The following KIF13B variants were observed in gnomAD, a reference collection of about 807,000 sequenced individuals.
KIF13B encodes the protein kinesin family member 13B.
KIF13B carries 127 observed loss-of-function variants against 222.0 expected under a neutral mutation model. The ratio of observed to expected loss-of-function variants is 0.57; its 90% CI spans 0.50 to 0.66. The LOEUF (loss-of-function observed/expected upper bound fraction) is 0.66, where lower values mean the gene tolerates loss of function less well. Among genes scored for constraint, KIF13B ranks in the 30% least tolerant of loss-of-function variants. The pLI is 0.00. For synonymous variants in KIF13B, 976 were observed against 919.0 expected, an observed-to-expected ratio of 1.06 and a Z score of -1.12; for missense variants, 2,173 against 2,379.0, an observed-to-expected ratio of 0.91 and a Z score of 1.80.
At chr8:29,109,353 C>A in intron 34 of KIF13B, 81 bp downstream of exon 34, 1 of 1,089,608 alleles carries the variant, frequency 9.2e-7, no homozygotes. Context: ...TGGGGTTTGA[C>A]GGGTGGAGAA....
intron 2 of KIF13B, among the ~76,000 whole-genome samples, chr8:29,211,562 G>C (rs1222567932): frequency 6.6e-6 from 1 of 152,222 alleles, no homozygotes; most frequent in Non-Finnish European, 1.5e-5. Context: ...AGAACTCCAG[G>C]AATCTGCTCA....
chr8:29,258,459 CAG>C (rs1449892837), intron 1 of KIF13B, among the ~76,000 whole-genome samples: 2 of 152,200 alleles, frequency 1.3e-5, no homozygotes, highest in African/African-American at 4.8e-5. Flanking sequence ...AGAAGCAAAA[CAG>C]AGTGCGTGGA....
intron 2 of KIF13B, among the ~76,000 whole-genome samples, chr8:29,208,294 A>C (rs1003438306): frequency 6.6e-6 from 1 of 152,240 alleles, no homozygotes; most frequent in African/African-American, 2.4e-5. Context: ...ACATATGTGC[A>C]TATTAATTTA....
chr8:29,091,149 T>C (rs1808282526), intron 37 of KIF13B, among the ~76,000 whole-genome samples: 1 of 152,250 alleles, frequency 6.6e-6, no homozygotes, highest in Non-Finnish European at 1.5e-5. Flanking sequence ...TGAAATCTTC[T>C]ATATATTTCA....
At chr8:29,155,696 G>A in intron 14 of KIF13B, 30 bp downstream of exon 14, 1 of 1,585,536 alleles carries the variant, frequency 6.3e-7, no homozygotes, top group South Asian at 1.1e-5. Flanking sequence ...AAAAACTCTT[G>A]TGATATGAAC....
Position 29,208,756 on chromosome 8 carries a change from G to A in KIF13B, c.150-12557C>T, listed in dbSNP as rs991986915. On this transcript the variant is annotated intron_variant, in intron 2 of 39. Transcript: ENST00000524189. ...CTTAGCTTCCTTATTTTTTGCCCCTGCTTGCCATTCAGAATCAGCAAGAGA... is the reference window on the plus strand; with the variant it reads ...CTTAGCTTCCTTATTTTTTGCCCCTACTTGCCATTCAGAATCAGCAAGAGA... Among the ~76,000 whole-genome samples the A allele has an allele frequency of 2.0e-5, 3 of 152,132 alleles. No homozygotes were observed. The East Asian group carries it at 5.8e-4, about 29-fold the overall frequency.
intron 21 of KIF13B, among the ~76,000 whole-genome samples, chr8:29,136,795 G>GTTTTTT (rs1203051867): frequency 6.0e-5 from 7 of 116,836 alleles, no homozygotes; most frequent in African/African-American, 1.6e-4. Context: ...CCTGTAACAG[G>GTTTTTT]TTTTTTTTTT....
At chr8:29,119,765 TAAA>T (rs1026514753) in intron 29 of KIF13B, among the ~76,000 whole-genome samples, 23 of 152,252 alleles carry the variant, frequency 1.5e-4, no homozygotes, top group Non-Finnish European at 2.6e-4. Flanking sequence ...GGCAAACATT[TAAA>T]AACAAACACC....
intron 24 of KIF13B, 127 bp downstream of exon 24, chr8:29,130,406 A>C: frequency 1.0e-6 from 1 of 1,004,450 alleles, no homozygotes; most frequent in Admixed American, 2.4e-5. Flanking sequence ...AGATAGGAGA[A>C]TTTTAATGTA....
chr8:29,248,948 G>A (rs1335281389), intron 1 of KIF13B, among the ~76,000 whole-genome samples: 1 of 152,136 alleles, frequency 6.6e-6, no homozygotes, highest in Non-Finnish European at 1.5e-5. Context: ...TGTGCTGATG[G>A]CTGTACAACA....
intron 31 of KIF13B, among the ~76,000 whole-genome samples, chr8:29,115,924 G>T (rs140283993): frequency 1.3e-5 from 2 of 152,074 alleles, no homozygotes; most frequent in Admixed American, 6.5e-5. Context: ...CCACCACCCC[G>T]ACTCCCTGGG....
chr8:29,103,829 G>A (rs1169764805), intron 35 of KIF13B, among the ~76,000 whole-genome samples: 1 of 152,016 alleles, frequency 6.6e-6, no homozygotes, highest in Non-Finnish European at 1.5e-5. Flanking sequence ...GGACCCCAAG[G>A]AACCAAGAAC....
At chr8:29,130,464 C>A in intron 24 of KIF13B, 69 bp downstream of exon 24, 1 of 1,501,582 alleles carries the variant, frequency 6.7e-7, no homozygotes, top group South Asian at 1.2e-5. Flanking sequence ...AACATTTCCA[C>A]TAAAAAGAAG....
chr8:29,150,510 G>A (rs914388299), intron 14 of KIF13B, 127 bp from the exon 15 acceptor site: 3 of 571,118 alleles, frequency 5.3e-6, no homozygotes, highest in Non-Finnish European at 9.3e-6. Context: ...ACCTGTTCTT[G>A]GTGAATTTTA....
intron 2 of KIF13B, among the ~76,000 whole-genome samples, chr8:29,234,987 T>C (rs868493461): frequency 6.6e-6 from 1 of 152,070 alleles, no homozygotes; most frequent in African/African-American, 2.4e-5. Flanking sequence ...ACAAAACATA[T>C]CTCTGGGTAA....
intron 3 of KIF13B, among the ~76,000 whole-genome samples, chr8:29,192,898 T>C (rs1238703381): frequency 1.3e-5 from 2 of 148,420 alleles, no homozygotes; most frequent in Admixed American, 1.4e-4. Context: ...CCTGAAAAAA[T>C]AGTTCCAATG....
At chr8:29,153,793 ATCC>A in intron 14 of KIF13B, among the ~76,000 whole-genome samples, 1 of 152,098 alleles carries the variant, frequency 6.6e-6, no homozygotes, top group South Asian at 2.1e-4. Flanking sequence ...CATTCCTCTC[ATCC>A]TCCTACTCTT....
chr8:29,183,286 G>T (rs1268120881), intron 6 of KIF13B, among the ~76,000 whole-genome samples: 1 of 150,632 alleles, frequency 6.6e-6, no homozygotes, highest in Non-Finnish European at 1.5e-5. Context: ...CGAATAGCTG[G>T]GATTACAGGT....
In KIF13B at chr8:29,070,285, A is replaced by C. The variant is rs1444468043; in HGVS notation, c.*219T>G. 9 of 586,644 alleles carry C rather than the reference A, an allele frequency of 1.5e-5. No homozygotes were observed. The highest frequency in any genetic ancestry group is 2.7e-5 in the Non-Finnish European group (9 of 335,958). The allele number at this position is 586,644 out of a possible 1,614,324, so 36.3% of individuals were successfully genotyped here. A position where few individuals can be genotyped will look rare whatever the true frequency, so the allele number is the denominator to read the frequency against. On this transcript the variant is annotated 3_prime_UTR_variant, in exon 40 of 40. Coordinates refer to ENST00000524189, the MANE Select transcript of KIF13B (RefSeq NM_015254.4). The surrounding 1 kb of genome is among the most constrained non-coding windows in gnomAD (Gnocchi z 4.1). ...TGCGGGCACCCAGAACCTTCCATCC[A>C]CCTGAGGAGGCACAGTTGAGGCCCC...
Sources: allele counts gnomAD v4.1 joint callset (sites outside exome capture counted in the v4.1 genomes callset), GRCh38; gene constraint gnomAD v4.1.1; non-coding constraint Gnocchi (gnomAD v3.1); transcripts MANE v1.5; gene names NCBI Gene and HGNC (gene_info 2026-07-23, HGNC 2026-07-21).